Variants in DNAJB6 observed in about 807,000 individuals in gnomAD.
DNAJB6 encodes DnaJ heat shock protein family (Hsp40) member B6.
DNAJB6 carries 16 observed loss-of-function variants against 42.7 expected under a neutral mutation model. That is an observed-to-expected ratio of 0.37 (90% CI 0.25 to 0.57). The LOEUF (loss-of-function observed/expected upper bound fraction) is 0.57. DNAJB6 is among the 20% of genes least tolerant of loss of function. DNAJB6 has a pLI of 0.74. For synonymous variants in DNAJB6, 170 were observed against 163.5 expected (o/e 1.04, Z -0.30); for missense variants, 347 against 416.8 (o/e 0.83, Z 1.46).
intron 6 of DNAJB6, among the ~76,000 whole-genome samples, chr7:157,383,782 C>T (rs188810630): frequency 6.6e-6 from 1 of 152,286 alleles, no homozygotes; most frequent in East Asian, 1.9e-4. Flanking sequence ...CTGGCTACTC[C>T]TAACGGAGAT....
At chr7:157,394,247 C>T (rs1164226098) in intron 8 of DNAJB6, among the ~76,000 whole-genome samples, 1 of 152,204 alleles carries the variant, frequency 6.6e-6, no homozygotes, top group Non-Finnish European at 1.5e-5. Context: ...ACCCATATGA[C>T]ATCTATTTTT....
chr7:157,340,748 C>T (rs1798317963), intron 1 of DNAJB6, among the ~76,000 whole-genome samples: 1 of 151,998 alleles, frequency 6.6e-6, no homozygotes, highest in South Asian at 2.1e-4. Context: ...GCGGTCTTGG[C>T]TCACTGCACT....
At chr7:157,369,741 A>T (rs1326252062) in intron 5 of DNAJB6, among the ~76,000 whole-genome samples, 14 of 143,180 alleles carry the variant, frequency 9.8e-5, no homozygotes, top group Non-Finnish European at 9.2e-5. Context: ...TTATTATTAA[A>T]CAGGCCCCTT....
chr7:157,410,727 C>T (rs564471276), intron 9 of DNAJB6: 1 of 152,002 alleles, frequency 6.6e-6, no homozygotes, highest in East Asian at 1.9e-4. Flanking sequence ...TGAGGTGACC[C>T]CAGCCGCTCA....
intron 1 of DNAJB6, among the ~76,000 whole-genome samples, chr7:157,348,563 G>T (rs563771185): frequency 1.3e-5 from 2 of 152,176 alleles, no homozygotes; most frequent in Admixed American, 6.6e-5. Flanking sequence ...CATTCCTGTC[G>T]TTTTTGATTC....
At chr7:157,383,560 A>G (rs931874326) in intron 6 of DNAJB6, among the ~76,000 whole-genome samples, 8 of 152,114 alleles carry the variant, frequency 5.3e-5, no homozygotes, top group Admixed American at 3.3e-4. Flanking sequence ...AGTTAAAAAT[A>G]CCACGTAAAT....
chr7:157,340,578 A>C (rs1022428983), intron 1 of DNAJB6, among the ~76,000 whole-genome samples: 2 of 152,202 alleles, frequency 1.3e-5, no homozygotes, highest in Admixed American at 6.6e-5. Flanking sequence ...TTGTCAAACA[A>C]AACCCTTTAT....
intron 1 of DNAJB6, among the ~76,000 whole-genome samples, chr7:157,356,195 C>T (rs1799266747): frequency 6.6e-6 from 1 of 152,192 alleles, no homozygotes; most frequent in African/African-American, 2.4e-5. Flanking sequence ...TAGCAGCTTC[C>T]CTCTGTTTCT....
At chr7:157,382,522 T>C in intron 6 of DNAJB6, 145 bp downstream of exon 6, 3 of 799,012 alleles carry the variant, frequency 3.8e-6, no homozygotes, top group Non-Finnish European at 5.4e-6. Context: ...TTTTTTGGTA[T>C]ACAGGTCTGC....
In DNAJB6 at chr7:157,403,888, C is replaced by G. The variant is rs1795642365; in HGVS notation, c.692-5907C>G. On this transcript the variant is annotated intron_variant, in intron 8 of 9. Coordinates refer to ENST00000262177, the MANE Select transcript of DNAJB6 (RefSeq NM_058246.4). ...TCCAGAGACTGCGGTGCCTTCCTGT[C>G]CACCCTGACCCAGGAGCCTCAGTGT... is the stretch of plus-strand genomic sequence containing the variant. Among the ~76,000 whole-genome samples the G allele has an allele frequency of 3.9e-5, 6 of 152,140 alleles. No individual in the cohort carries two copies. In the South Asian group the frequency reaches 1.2e-3, roughly 32 times the overall value.
Position 157,416,386 on chromosome 7 carries a change from T to TAATGATA in DNAJB6, c.*288_*289insAATGATA. ...TGCTTCCGGATCCTCTTCATTCTTT[T>TAATGATA]CGGCTACTCAACCACTCCGCATGCT... On this transcript the variant is annotated 3_prime_UTR_variant, in exon 10 of 10. Coordinates refer to ENST00000262177, the MANE Select transcript of DNAJB6 (RefSeq NM_058246.4). 1 of 408,778 alleles carries TAATGATA rather than the reference T, an allele frequency of 2.4e-6. No homozygotes were observed. Among genetic ancestry groups the TAATGATA allele is most frequent in the Non-Finnish European group, 4.5e-6 (1 of 222,960 alleles). The allele number at this position is 408,778 out of a possible 1,614,324, so 25.3% of individuals were successfully genotyped here. A position where few individuals can be genotyped will look rare whatever the true frequency, so the allele number is the denominator to read the frequency against.
At chr7:157,363,654 A>G (rs1450967037) in intron 3 of DNAJB6, among the ~76,000 whole-genome samples, 1 of 152,158 alleles carries the variant, frequency 6.6e-6, no homozygotes, top group Non-Finnish European at 1.5e-5. Flanking sequence ...AAACAATACC[A>G]TTCCAGTGGA....
intron 1 of DNAJB6, among the ~76,000 whole-genome samples, chr7:157,355,028 G>A (rs984230902): frequency 2.6e-5 from 4 of 152,226 alleles, no homozygotes; most frequent in Admixed American, 2.6e-4. Context: ...GGAGAGGCCT[G>A]AGCTTGGAGC....
In DNAJB6 at chr7:157,384,950, T is replaced by C. The variant is rs886062128; in HGVS notation, c.562T>C (p.Phe188Leu). 38 of 1,614,008 alleles carry C rather than the reference T, an allele frequency of 2.4e-5. No individual in the cohort carries two copies. The highest frequency in any genetic ancestry group is 3.0e-5 in the Non-Finnish European group (35 of 1,179,998). Reference protein sequence around the residue: ...TSFGGSGMGNFKSISTSTKMV... With the variant: ...TSFGGSGMGNLKSISTSTKMV... ...ATTTGGTGGTAGTGGCATGGGCAAC[T>C]TCAAATCGATATCAACTTCAACTAA... is the stretch of plus-strand genomic sequence containing the variant. Residue 188 changes from phenylalanine to leucine, a missense_variant, in exon 7 of 10, where the codon TTC (phenylalanine) becomes CTC (leucine). Coordinates refer to ENST00000262177, the MANE Select transcript of DNAJB6 (RefSeq NM_058246.4).
Position 157,409,977 on chromosome 7 carries a change from TG to T in DNAJB6, c.877del (p.Asp293ThrfsTer9). On this transcript the variant is annotated frameshift_variant, in exon 9 of 10. Transcript: ENST00000262177. LOFTEE classifies it high-confidence loss of function. ...EQDRPRAPGP[W>X]DPLASAAGLK... The stretch of plus-strand genomic sequence containing the variant: ...GGACCGACCTCGGGCACCCGGGCCC[TG>T]GGACCCCCTCGCGTCCGCAGCAGGT... The T allele has an allele frequency of 1.3e-6, 2 of 1,534,222 alleles. No individual in the cohort carries two copies.
rs1563118088 is a variant in DNAJB6 at position 157,357,214 on chromosome 7, CCTT to C, written c.-26-1331_-26-1329del. On this transcript the variant is annotated intron_variant, in intron 1 of 9. Coordinates refer to ENST00000262177, the MANE Select transcript of DNAJB6 (RefSeq NM_058246.4). ...CTTTGTGGCTTTGTGATACTGTTGT[CCTT>C]CCTTCCTTCCTTCCTTCCTTCCTTC... Among the ~76,000 whole-genome samples, 165 of 36,234 alleles carry C rather than the reference CCTT, an allele frequency of 4.6e-3. 15 individuals carry two copies. Among genetic ancestry groups the C allele is most frequent in the African/African-American group, 0.021 (156 of 7,606 alleles). 23.8% of individuals were successfully genotyped at this position (36,234 alleles called of 152,430 possible).
chr7:157,346,546 T>A (rs1327040315), intron 1 of DNAJB6, among the ~76,000 whole-genome samples: 2 of 152,178 alleles, frequency 1.3e-5, no homozygotes, highest in South Asian at 2.1e-4. Flanking sequence ...CAGTTTTTTT[T>A]AAACACTGTT....
intron 1 of DNAJB6, among the ~76,000 whole-genome samples, chr7:157,346,420 A>G (rs1798691597): frequency 6.6e-6 from 1 of 151,104 alleles, no homozygotes; most frequent in East Asian, 2.0e-4. Flanking sequence ...ACCTAGTTTT[A>G]TATCTTGATT....
chr7:157,409,547 G>A (rs1233931098), intron 8 of DNAJB6, among the ~76,000 whole-genome samples: 1 of 152,218 alleles, frequency 6.6e-6, no homozygotes, highest in Non-Finnish European at 1.5e-5. Flanking sequence ...CTGGTGGGGC[G>A]GGGAGCCGCT....
Sources: gnomAD v4.1 joint callset for allele counts (sites outside exome capture counted in the v4.1 genomes callset) on GRCh38, gnomAD v4.1.1 for gene constraint, MANE v1.5 for transcripts, NCBI Gene and HGNC (gene_info 2026-07-23, HGNC 2026-07-21) for gene names.